The following CHMP4B variants were observed in gnomAD, a reference collection of about 807,000 sequenced individuals.
CHMP4B encodes the protein SNF7 homolog associated with Alix 1.
A neutral mutation model predicts 25.1 loss-of-function variants in CHMP4B; 1 was observed. That is an observed-to-expected ratio of 0.04 (90% confidence interval 0.01 to 0.19). The LOEUF is 0.19. Among genes scored for constraint, CHMP4B ranks in the 10% least tolerant of loss-of-function variants. The pLI is 1.00. For synonymous variants in CHMP4B, 101 were observed against 115.6 expected (o/e 0.87, Z 0.81); for missense variants, 151 against 289.7 (o/e 0.52, Z 3.48).
At chr20:33,816,818 C>T (rs896532961) in intron 1 of CHMP4B, among the ~76,000 whole-genome samples, 3 of 152,154 alleles carry the variant, frequency 2.0e-5, no homozygotes, top group African/African-American at 7.2e-5. Context: ...ACACCCTATA[C>T]TGGTACATTT....
At chr20:33,829,505 A>G (rs1448158776) in intron 1 of CHMP4B, among the ~76,000 whole-genome samples, 7 of 152,244 alleles carry the variant, frequency 4.6e-5, no homozygotes, top group African/African-American at 1.4e-4. Context: ...TCTTAAGGCT[A>G]TAAGGCCACA....
chr20:33,822,345 A>G (rs920238359), intron 1 of CHMP4B, among the ~76,000 whole-genome samples: 6 of 152,040 alleles, frequency 3.9e-5, no homozygotes, highest in African/African-American at 1.4e-4. Context: ...GGGTTTCACC[A>G]TGTTGGCCAG....
At position 33,853,910 on chromosome 20, in the gene CHMP4B, C is replaced by T; in HGVS notation, c.*350C>T. ...GTCGACTGGTTGCAGTTGAAATGAC[C>T]TGAAATGTAGCCTCTGTCCTTGTAA... is the stretch of plus-strand genomic sequence containing the variant. On this transcript the variant is annotated 3_prime_UTR_variant, in exon 5 of 5. Transcript: ENST00000217402. 1 of 391,606 alleles carries T rather than the reference C, an allele frequency of 2.6e-6. No homozygotes were observed. The highest frequency in any genetic ancestry group is 2.5e-5 in the South Asian group (1 of 40,666). 24.3% of individuals were successfully genotyped at this position (391,606 alleles called of 1,614,324 possible). A position where few individuals can be genotyped will look rare whatever the true frequency, so the allele number is the denominator to read the frequency against.
At chr20:33,853,086 C>T (rs1319701460) in intron 4 of CHMP4B, among the ~76,000 whole-genome samples, 3 of 152,156 alleles carry the variant, frequency 2.0e-5, no homozygotes, top group Admixed American at 6.5e-5. Context: ...AGGCAGAGGC[C>T]GTCCAGCAAG....
chr20:33,848,550 C>G lies in CHMP4B; in HGVS notation c.274C>G (p.Gln92Glu). ...CGGCACATTATCAACCATCGAGTTC[C>G]AGCGGGAGGCCCTGGAGAATGCCAA... ...IDGTLSTIEFQREALENANTN... is the reference protein window; with the variant it reads ...IDGTLSTIEFEREALENANTN... The change falls in exon 2 of 5, where the codon CAG becomes GAG. Residue 92 changes from glutamine to glutamate, a missense_variant. Physicochemically the swap from Gln to Glu is conservative, Grantham distance 29. Coordinates refer to ENST00000217402, the MANE Select transcript of CHMP4B (RefSeq NM_176812.5). The G allele has an allele frequency of 6.2e-7, 1 of 1,614,220 alleles. No individual in the cohort carries two copies. Among genetic ancestry groups the G allele is most frequent in the Non-Finnish European group, 8.5e-7 (1 of 1,180,044 alleles).
intron 1 of CHMP4B, among the ~76,000 whole-genome samples, chr20:33,826,832 C>G (rs1335790422): frequency 1.3e-5 from 2 of 152,120 alleles, no homozygotes; most frequent in African/African-American, 4.8e-5. Flanking sequence ...CTTGACCCAG[C>G]CTCATTTATT....
intron 1 of CHMP4B, among the ~76,000 whole-genome samples, chr20:33,814,015 G>A (rs112033798): frequency 2.4e-3 from 362 of 152,340 alleles, no homozygotes; most frequent in Middle Eastern, 6.8e-3. Flanking sequence ...ATGGGCATGA[G>A]CCATCGCACC....
intron 1 of CHMP4B, among the ~76,000 whole-genome samples, chr20:33,826,118 C>T (rs552192538): frequency 2.0e-5 from 3 of 152,184 alleles, no homozygotes; most frequent in African/African-American, 7.2e-5. Context: ...CATAACTCTC[C>T]GTAAAATAAG....
intron 1 of CHMP4B, among the ~76,000 whole-genome samples, chr20:33,831,473 G>A (rs1180178084): frequency 2.6e-5 from 4 of 151,714 alleles, no homozygotes; most frequent in African/African-American, 7.3e-5. Flanking sequence ...CAAGTGATCC[G>A]CCCACCTTGG....
chr20:33,811,418 G>A lies in CHMP4B; in HGVS notation c.-51G>A. 4 of 1,429,346 alleles carry A rather than the reference G, an allele frequency of 2.8e-6. No individual in the cohort carries two copies. The highest frequency in any genetic ancestry group is 3.7e-6 in the Non-Finnish European group (4 of 1,090,858). The allele number at this position is 1,429,346 out of a possible 1,614,324, so 88.5% of individuals were successfully genotyped here. On this transcript the variant is annotated 5_prime_UTR_variant, in exon 1 of 5. Coordinates refer to ENST00000217402, the MANE Select transcript of CHMP4B (RefSeq NM_176812.5). ...CCGGAGCCGACCCGAGCCGAGCCGA[G>A]CCGAGCCGAGCCGGAGCGGGCGGCG...
At chr20:33,826,694 T>A (rs1979104450) in intron 1 of CHMP4B, among the ~76,000 whole-genome samples, 1 of 152,178 alleles carries the variant, frequency 6.6e-6, no homozygotes, top group Admixed American at 6.5e-5. Flanking sequence ...CCAATTCCCC[T>A]TCTGCTTTAT....
At chr20:33,853,286 G>A (rs1226194457) in intron 4 of CHMP4B, among the ~76,000 whole-genome samples, 1 of 152,156 alleles carries the variant, frequency 6.6e-6, no homozygotes, top group Non-Finnish European at 1.5e-5. Context: ...GAGGCGGAGG[G>A]TGGGTGCTGC....
rs542321531 is a variant in CHMP4B, at chr20:33,845,484, G to A, written c.191-2983G>A. Among the ~76,000 whole-genome samples the A allele has an allele frequency of 3.8e-4, 58 of 152,122 alleles. 1 individual carries two copies. The highest frequency in any genetic ancestry group is 3.4e-3 in the Middle Eastern group (1 of 294). On this transcript the variant is annotated intron_variant, in intron 1 of 4. Transcript: ENST00000217402. ...ACTACAGGTGCGCGCCACCATGTCC[G>A]GCTAATTTTTGTATTTTTAGTAGAG... is the stretch of plus-strand genomic sequence containing the variant.
intron 1 of CHMP4B, among the ~76,000 whole-genome samples, chr20:33,831,741 A>ATTTTTT (rs1568607995): frequency 6.6e-6 from 1 of 152,106 alleles, no homozygotes; most frequent in Admixed American, 6.5e-5. Context: ...TTGTTCTTTA[A>ATTTTTT]TTTTATTATT....
At chr20:33,827,089 C>T (rs887728928) in intron 1 of CHMP4B, among the ~76,000 whole-genome samples, 1 of 152,174 alleles carries the variant, frequency 6.6e-6, no homozygotes, top group Non-Finnish European at 1.5e-5. Flanking sequence ...TACTCTCCTC[C>T]CCCTTTCCTG....
intron 1 of CHMP4B, among the ~76,000 whole-genome samples, chr20:33,815,536 G>A (rs1371256296): frequency 6.6e-6 from 1 of 152,136 alleles, no homozygotes; most frequent in Non-Finnish European, 1.5e-5. Flanking sequence ...AACAGGAGAA[G>A]GAGCGTGTAC....
chr20:33,823,933 C>G (rs1435115286), intron 1 of CHMP4B, among the ~76,000 whole-genome samples: 7 of 152,190 alleles, frequency 4.6e-5, no homozygotes, highest in African/African-American at 1.7e-4. Context: ...ACCTCAGCCT[C>G]CCAAAGAGTT....
intron 1 of CHMP4B, 49 bp downstream of exon 1, chr20:33,811,707 C>G (rs999920754): frequency 6.3e-7 from 1 of 1,578,926 alleles, no homozygotes; most frequent in African/African-American, 1.3e-5. Flanking sequence ...CCCCCAGGCT[C>G]CCCGGGCCCG....
chr20:33,820,487 G>C (rs1425772214), intron 1 of CHMP4B, among the ~76,000 whole-genome samples: 1 of 152,220 alleles, frequency 6.6e-6, no homozygotes, highest in Non-Finnish European at 1.5e-5. Context: ...AATTTGAGCT[G>C]TATGCTAGAT....
Sources: gnomAD v4.1 joint callset for allele counts (sites outside exome capture counted in the v4.1 genomes callset) on GRCh38, gnomAD v4.1.1 for gene constraint, MANE v1.5 for transcripts, NCBI Gene and HGNC (gene_info 2026-07-23, HGNC 2026-07-21) for gene names.